MARCHF6: variants seen among roughly 807,000 people sequenced by gnomAD.
The protein encoded by MARCHF6 is E3 ubiquitin-protein ligase MARCHF6.
MARCHF6 carries 31 observed loss-of-function variants against 133.7 expected under a neutral mutation model. That is an observed-to-expected ratio of 0.23 (90% CI 0.17 to 0.31). The LOEUF (loss-of-function observed/expected upper bound fraction) is 0.31, where lower values mean the gene tolerates loss of function less well. MARCHF6 is among the 10% of genes least tolerant of loss of function. The pLI, the probability that MARCHF6 is intolerant of heterozygous loss-of-function variation, is 1.00. For synonymous variants in MARCHF6, 395 were observed against 402.5 expected (o/e 0.98, Z 0.22); for missense variants, 723 against 1,121.6 (o/e 0.64, Z 5.08).
intron 1 of MARCHF6, among the ~76,000 whole-genome samples, chr5:10,373,462 C>T (rs1736582015): frequency 6.6e-6 from 1 of 152,152 alleles, no homozygotes; most frequent in South Asian, 2.1e-4. Flanking sequence ...CTTTCTCAGG[C>T]CACGCAGGGC....
chr5:10,386,172 T>C (rs1737464027), intron 4 of MARCHF6, among the ~76,000 whole-genome samples: 1 of 152,238 alleles, frequency 6.6e-6, no homozygotes, highest in Admixed American at 6.5e-5. Context: ...ATGTAAGTAA[T>C]TTTTATTACA....
In MARCHF6 at chr5:10,353,739, T is replaced by TCTCTCC. The variant is rs1352543200; in HGVS notation, c.-146_-141dup. 21 of 277,122 alleles carry TCTCTCC rather than the reference T, an allele frequency of 7.6e-5. No homozygotes were observed. Among genetic ancestry groups the TCTCTCC allele is most frequent in the South Asian group, 5.2e-5 (2 of 38,658 alleles). 17.2% of individuals were successfully genotyped at this position (277,122 alleles called of 1,614,324 possible). On this transcript the variant is annotated 5_prime_UTR_variant, in exon 1 of 26. Transcript: ENST00000274140. ...CCGTGTCGCTCGCTTTCTGTCAGCC[T>TCTCTCC]CTCTCCCTCTCCCTCTCCCCTCTCC...
In MARCHF6 at chr5:10,435,680, TATATATATATATATATA is replaced by T. The variant is rs1429113649; in HGVS notation, c.*1997_*2013del. 11 of 17,358 alleles carry T rather than the reference TATATATATATATATATA, an allele frequency of 6.3e-4. No individual in the cohort carries two copies. Among genetic ancestry groups the T allele is most frequent in the South Asian group, 1.8e-3 (1 of 548 alleles). 1.1% of individuals were successfully genotyped at this position (17,358 alleles called of 1,614,324 possible). ...ATATATATATATATATATATATATA[TATATATATATATATATA>T]TTTTTTTTTTTTTTTTTTTTTTTTT... is the stretch of plus-strand genomic sequence containing the variant. On this transcript the variant is annotated 3_prime_UTR_variant, in exon 26 of 26. Transcript: ENST00000274140.
chr5:10,433,027 CTAG>C (rs1161325951), intron 25 of MARCHF6, among the ~76,000 whole-genome samples: 2 of 151,658 alleles, frequency 1.3e-5, no homozygotes, highest in Non-Finnish European at 2.9e-5. Flanking sequence ...CTCAGCCTCT[CTAG>C]TAGCTGGGAC....
Position 10,390,384 on chromosome 5 carries a change from C to G in MARCHF6, c.460C>G (p.Leu154Val), listed in dbSNP as rs1052332002. Residue 154 changes from leucine (L) to valine (V), a missense_variant, in exon 6 of 26, where the codon CTG becomes GTG. Leu to Val is a conservative substitution (Grantham distance 32). Transcript: ENST00000274140. ...GGGTTGTTTTGTGGTGACGTGCACA[C>G]TGTGTGCATTCATCAGCCTGGTGTG... is the stretch of plus-strand genomic sequence containing the variant. ...LQGCFVVTCT[L>V]CAFISLVWLR... 1 of 1,613,832 alleles carries G rather than the reference C, an allele frequency of 6.2e-7. No individual in the cohort carries two copies. Among genetic ancestry groups the G allele is most frequent in the African/African-American group, 1.3e-5 (1 of 74,894 alleles).
At chr5:10,422,940 G>A (rs562666617) in intron 22 of MARCHF6, among the ~76,000 whole-genome samples, 8 of 151,840 alleles carry the variant, frequency 5.3e-5, no homozygotes, top group Non-Finnish European at 1.0e-4. Context: ...GAGGACTCCC[G>A]TCTTTTCTGT....
rs183616054 is a variant in MARCHF6 at position 10,386,054 on chromosome 5, A to C, written c.335-940A>C. ...TTTTTTTTTTTTAGCGATACACAGC[A>C]CTCTGTAGTAAGAAGGCCTGTTGCA... is the stretch of plus-strand genomic sequence containing the variant. On this transcript the variant is annotated intron_variant, in intron 4 of 25. Coordinates refer to ENST00000274140, the MANE Select transcript of MARCHF6 (RefSeq NM_005885.4). Among the ~76,000 whole-genome samples the C allele has an allele frequency of 2.8e-4, 42 of 151,534 alleles. 1 individual carries two copies. Among genetic ancestry groups the C allele is most frequent in the Admixed American group, 9.9e-4 (15 of 15,220 alleles).
chr5:10,406,216 A>G (rs550161438), intron 16 of MARCHF6, among the ~76,000 whole-genome samples: 2 of 152,324 alleles, frequency 1.3e-5, no homozygotes, highest in Admixed American at 1.3e-4. Context: ...CCTGATGCCA[A>G]AATGGTTGGG....
chr5:10,421,835 G>C (rs1347745292), intron 22 of MARCHF6: 2 of 152,368 alleles, frequency 1.3e-5, no homozygotes, highest in African/African-American at 4.8e-5. Flanking sequence ...GTCTGAAGAC[G>C]TAAAAGATCC....
intron 19 of MARCHF6, among the ~76,000 whole-genome samples, chr5:10,412,393 G>C (rs1467056424): frequency 6.6e-6 from 1 of 152,160 alleles, no homozygotes; most frequent in African/African-American, 2.4e-5. Flanking sequence ...CTTCAATCAA[G>C]AACCACTTGT....
Position 10,378,892 on chromosome 5 carries a change from G to A in MARCHF6, c.190+60G>A, listed in dbSNP as rs547682569. On this transcript the variant is annotated intron_variant, in intron 3 of 25. Coordinates refer to ENST00000274140, the MANE Select transcript of MARCHF6 (RefSeq NM_005885.4). ...TGGTTATCACTCGTGGCATAAAGGT[G>A]TTTGATATGATCAGTTGACAGAGGA... The A allele has an allele frequency of 3.4e-5, 37 of 1,078,814 alleles. 1 individual carries two copies. Among genetic ancestry groups the A allele is most frequent in the Middle Eastern group, 4.0e-4 (2 of 5,036 alleles). The allele number at this position is 1,078,814 out of a possible 1,614,324, so 66.8% of individuals were successfully genotyped here. A position where few individuals can be genotyped will look rare whatever the true frequency, so the allele number is the denominator to read the frequency against.
rs936209421 is a variant in MARCHF6, at chr5:10,375,393, G to A, written c.20-2405G>A. Among the ~76,000 whole-genome samples the A allele has an allele frequency of 4.6e-5, 7 of 152,362 alleles. No homozygotes were observed. The South Asian group carries it at 1.2e-3, about 27-fold the overall frequency. ...CTTGCCGGGCCTTAGCTGCCTTCCCGCTGGGCAGGGCTCGGGACCTGCAGC... is the reference window on the plus strand; with the variant it reads ...CTTGCCGGGCCTTAGCTGCCTTCCCACTGGGCAGGGCTCGGGACCTGCAGC... On this transcript the variant is annotated intron_variant, in intron 1 of 25. Coordinates refer to ENST00000274140, the MANE Select transcript of MARCHF6 (RefSeq NM_005885.4).
Position 10,390,349 on chromosome 5 carries a change from A to G in MARCHF6, c.425A>G (p.Asp142Gly). ...DMLSTENLLA[D>G]CLQGCFVVTC... The stretch of plus-strand genomic sequence containing the variant: ...TTTAATAGGGAAAATTTGTTGGCAG[A>G]TTGTTTGCAGGGTTGTTTTGTGGTG... Residue 142 changes from aspartate (D) to glycine (G), a missense_variant, in exon 6 of 26, where the codon GAT (aspartate) becomes GGT (glycine). Coordinates refer to ENST00000274140, the MANE Select transcript of MARCHF6 (RefSeq NM_005885.4). 6.2e-7 allele frequency: 1 copy of G among 1,610,536 alleles called. No individual in the cohort carries two copies. The highest frequency in any genetic ancestry group is 8.5e-7 in the Non-Finnish European group (1 of 1,179,138).
chr5:10,379,286 A>T (rs963104940), intron 3 of MARCHF6, among the ~76,000 whole-genome samples: 1 of 152,062 alleles, frequency 6.6e-6, no homozygotes, highest in East Asian at 1.9e-4. Context: ...ATACTTCAGT[A>T]TGTATCTCTA....
chr5:10,394,192 A>G (rs1169805575), intron 8 of MARCHF6, 49 bp downstream of exon 8: 2 of 1,248,952 alleles, frequency 1.6e-6, no homozygotes, highest in Non-Finnish European at 2.2e-6. Flanking sequence ...CCTAAAATAT[A>G]TTTTAAACTT....
intron 17 of MARCHF6, among the ~76,000 whole-genome samples, chr5:10,409,801 G>A (rs1739114727): frequency 6.6e-6 from 1 of 152,110 alleles, no homozygotes. Context: ...GAAATTTTTA[G>A]GATATTGTTA....
chr5:10,431,626 AGT>A (rs10574367), intron 25 of MARCHF6, among the ~76,000 whole-genome samples: 78,788 of 148,322 alleles, frequency 0.53, 22,107 homozygotes, highest in Non-Finnish European at 0.64. Flanking sequence ...AGAGTGAGTG[AGT>A]GTGTGTGTGT....
At chr5:10,371,571 T>C (rs1736464914) in intron 1 of MARCHF6, among the ~76,000 whole-genome samples, 1 of 152,162 alleles carries the variant, frequency 6.6e-6, no homozygotes, top group Non-Finnish European at 1.5e-5. Context: ...ATGAGACTTA[T>C]TCACTATCAC....
intron 22 of MARCHF6, among the ~76,000 whole-genome samples, chr5:10,418,010 C>T (rs1280240745): frequency 6.6e-6 from 1 of 152,130 alleles, no homozygotes; most frequent in African/African-American, 2.4e-5. Context: ...AATTGTCTTA[C>T]TCCTTTTGAC....
Sources: allele counts gnomAD v4.1 joint callset (sites outside exome capture counted in the v4.1 genomes callset), GRCh38; gene constraint gnomAD v4.1.1; transcripts MANE v1.5; gene names NCBI Gene and HGNC (gene_info 2026-07-23, HGNC 2026-07-21).